C4orf51: variants seen among roughly 807,000 people sequenced by gnomAD.
C4orf51 encodes the protein chromosome 4 open reading frame 51.
C4orf51 carries 25 observed loss-of-function variants against 25.2 expected under a neutral mutation model. The ratio of observed to expected loss-of-function variants is 0.99; its 90% CI spans 0.72 to 1.39. C4orf51 has a LOEUF of 1.39. C4orf51 is among the 40% of genes most tolerant of loss of function. The pLI, the probability that C4orf51 is intolerant of heterozygous loss-of-function variation, is 0.00. For synonymous variants in C4orf51, 100 were observed against 84.5 expected, an observed-to-expected ratio of 1.18 and a Z score of -1.01; for missense variants, 252 against 239.6, an observed-to-expected ratio of 1.05 and a Z score of -0.34.
intron 1 of C4orf51, among the ~76,000 whole-genome samples, chr4:145,766,153 C>T (rs926435564): frequency 6.6e-6 from 1 of 152,082 alleles, no homozygotes; most frequent in African/African-American, 2.4e-5. Flanking sequence ...TTAATCTGGC[C>T]TAGATCATAT....
At chr4:145,689,330 TA>T (rs1729380697) in intron 1 of C4orf51, among the ~76,000 whole-genome samples, 1 of 152,022 alleles carries the variant, frequency 6.6e-6, no homozygotes, top group Non-Finnish European at 1.5e-5. Flanking sequence ...TAAGGGCATA[TA>T]AAAAGGCAAG....
At chr4:145,771,676 A>G (rs1002312839), downstream of C4orf51, among the ~76,000 whole-genome samples, 2 of 150,712 alleles carry the variant, frequency 1.3e-5, no homozygotes, top group Admixed American at 6.6e-5. Context: ...TATCCCTTTA[A>G]CATAACCACT....
downstream of C4orf51, among the ~76,000 whole-genome samples, chr4:145,771,591 C>A (rs528762487): frequency 1.3e-5 from 2 of 152,150 alleles, no homozygotes; most frequent in Non-Finnish European, 2.9e-5. Flanking sequence ...AGGGACAAGA[C>A]GCCAGACAGT....
intron 2 of C4orf51, among the ~76,000 whole-genome samples, chr4:145,724,992 A>G (rs1443036116): frequency 6.6e-6 from 1 of 151,828 alleles, no homozygotes; most frequent in East Asian, 1.9e-4. Flanking sequence ...TGAGGATTGC[A>G]AAGGTATAAG....
At chr4:145,710,515 A>G (rs1489177889) in intron 2 of C4orf51, among the ~76,000 whole-genome samples, 2 of 152,168 alleles carry the variant, frequency 1.3e-5, no homozygotes, top group Admixed American at 1.3e-4. Context: ...GATTGTACAC[A>G]TGCTCACTTG....
At chr4:145,740,544 A>G (rs1412069743) in intron 1 of C4orf51, among the ~76,000 whole-genome samples, 1 of 152,214 alleles carries the variant, frequency 6.6e-6, no homozygotes, top group East Asian at 1.9e-4. Flanking sequence ...GGGATTCTGA[A>G]TAATAACCAC....
At chr4:145,782,695 C>G in the C4orf51 span, among the ~76,000 whole-genome samples, 1 of 152,204 alleles carries the variant, frequency 6.6e-6, no homozygotes, top group Non-Finnish European at 1.5e-5. Flanking sequence ...ATGTCTTGTT[C>G]TGTATGGCAA....
the C4orf51 span, among the ~76,000 whole-genome samples, chr4:145,779,130 C>T: frequency 7.2e-5 from 11 of 152,078 alleles, no homozygotes; most frequent in Non-Finnish European, 1.3e-4. Context: ...GGAATTTTAC[C>T]TGAATAAACC....
In C4orf51 at chr4:145,726,874, C is replaced by A. The variant is rs761124820; in HGVS notation, c.308-37C>A. 4.6e-6 allele frequency: 7 copies of A among 1,531,960 alleles called. No homozygotes were observed. The African/African-American group carries it at 6.8e-5, about 15-fold the overall frequency. 94.9% of individuals were successfully genotyped at this position (1,531,960 alleles called of 1,614,324 possible). The stretch of plus-strand genomic sequence containing the variant: ...TGTAAGGAATTTTATTCTAACTCTG[C>A]ATTTAATCCTGATTTTCCCTCTTCA... On this transcript the variant is annotated intron_variant, in intron 2 of 5. Transcript: ENST00000438731.
intron 1 of C4orf51, among the ~76,000 whole-genome samples, chr4:145,695,281 G>A (rs1192030264): frequency 3.3e-5 from 5 of 152,144 alleles, no homozygotes; most frequent in Non-Finnish European, 5.9e-5. Flanking sequence ...TAGCCATTCT[G>A]TTTGGTGTGA....
intron 2 of C4orf51, among the ~76,000 whole-genome samples, chr4:145,703,184 C>T (rs946210339): frequency 1.3e-5 from 2 of 151,232 alleles, no homozygotes; most frequent in Admixed American, 6.6e-5. Flanking sequence ...TAACTGATGA[C>T]ATTCCACCAC....
intron 2 of C4orf51, among the ~76,000 whole-genome samples, chr4:145,709,822 G>A (rs1479573991): frequency 1.3e-5 from 2 of 152,110 alleles, no homozygotes; most frequent in Admixed American, 1.3e-4. Context: ...ACTTGATGTG[G>A]GCCCGAAGGT....
intron 1 of C4orf51, among the ~76,000 whole-genome samples, chr4:145,687,010 GC>G (rs35581348): frequency 0.17 from 17,826 of 107,770 alleles, 1,164 homozygotes; most frequent in African/African-American, 0.27. Flanking sequence ...TGTGGGGGGG[GC>G]GGTTTCCTTC....
intron 2 of C4orf51, among the ~76,000 whole-genome samples, chr4:145,713,811 C>T (rs988237482): frequency 6.6e-6 from 1 of 151,872 alleles, no homozygotes; most frequent in African/African-American, 2.4e-5. Context: ...GAGATGGAGT[C>T]TCACTCTGTT....
chr4:145,732,212 C>T (rs1424271715), intron 5 of C4orf51, among the ~76,000 whole-genome samples: 7 of 152,116 alleles, frequency 4.6e-5, no homozygotes, highest in Admixed American at 3.9e-4. Flanking sequence ...CAGTGGGGGC[C>T]GGTTAGGGAT....
rs143792716 is a variant in C4orf51, at chr4:145,720,130, T to C, written c.308-6781T>C. ...ACAGGTGGATTAGGGCATGCCTGAA[T>C]AGAGGGAGGCTTTTTCCATGGGTCT... On this transcript the variant is annotated intron_variant, in intron 2 of 5. Coordinates refer to ENST00000438731, the MANE Select transcript of C4orf51 (RefSeq NM_001080531.3). Among the ~76,000 whole-genome samples the C allele has an allele frequency of 3.3e-3, 508 of 152,222 alleles. 2 individuals are homozygous for C. Among genetic ancestry groups the C allele is most frequent in the Non-Finnish European group, 5.2e-3 (352 of 67,988 alleles).
At chr4:145,742,295 T>C (rs1272158101) in intron 1 of C4orf51, among the ~76,000 whole-genome samples, 1 of 152,198 alleles carries the variant, frequency 6.6e-6, no homozygotes, top group East Asian at 1.9e-4. Context: ...CTTCTCATTC[T>C]CATGTGTTGA....
At chr4:145,726,830 GT>G (rs1732088582) in intron 2 of C4orf51, 80 bp from the exon 3 acceptor site, 1 of 1,139,476 alleles carries the variant, frequency 8.8e-7, no homozygotes, top group East Asian at 2.4e-5. Context: ...ACAATTTGTG[GT>G]AATAGCCTAA....
At chr4:145,691,899 A>G (rs1319863696) in intron 1 of C4orf51, among the ~76,000 whole-genome samples, 1 of 152,244 alleles carries the variant, frequency 6.6e-6, no homozygotes, top group Non-Finnish European at 1.5e-5. Context: ...ATACCTGCAC[A>G]TGTACCCCTT....
Sources: gnomAD v4.1 joint callset for allele counts (sites outside exome capture counted in the v4.1 genomes callset) on GRCh38, gnomAD v4.1.1 for gene constraint, MANE v1.5 for transcripts, NCBI Gene and HGNC (gene_info 2026-07-23, HGNC 2026-07-21) for gene names.